BIN1: variants seen among roughly 807,000 people sequenced by gnomAD.
BIN1 encodes myc box-dependent-interacting protein 1.
BIN1 carries 53 observed loss-of-function variants against 82.0 expected under a neutral mutation model. That is an observed-to-expected ratio of 0.65 (90% CI 0.52 to 0.81). The LOEUF (loss-of-function observed/expected upper bound fraction) is 0.81. BIN1 is among the 40% of genes least tolerant of loss of function. The pLI is 0.00. For missense variants in BIN1, 642 were observed against 784.4 expected (o/e 0.82, Z 2.17); for synonymous variants, 302 against 328.0 (o/e 0.92, Z 0.86).
chr2:127,091,452 A>G (rs1558873820), intron 1 of BIN1, among the ~76,000 whole-genome samples: 1 of 152,270 alleles, frequency 6.6e-6, no homozygotes. Context: ...TGAGTCCCAG[A>G]GAAGAGGAGA....
In BIN1 at chr2:127,068,157, T is replaced by C. The variant is rs764804841; in HGVS notation, c.612+6A>G. 2.5e-6 allele frequency: 4 copies of C among 1,612,468 alleles called. No homozygotes were observed. In the South Asian group the frequency reaches 3.3e-5, roughly 13 times the overall value. Reference sequence around the variant, plus strand: ...CAGCACGTGCAAGGTTAGAAGCCAGTGTCACCTGATTTCGGAGCAGGTTAG... The same window carrying C: ...CAGCACGTGCAAGGTTAGAAGCCAGCGTCACCTGATTTCGGAGCAGGTTAG... On this transcript the variant is annotated splice_donor_region_variant and intron_variant, in intron 7 of 18. Coordinates refer to ENST00000316724, the MANE Select transcript of BIN1 (RefSeq NM_139343.3). The surrounding 1 kb of genome is among the most constrained non-coding windows in gnomAD (Gnocchi z 4.9).
At chr2:127,086,434 G>A (rs542277004) in intron 1 of BIN1, among the ~76,000 whole-genome samples, 2 of 152,160 alleles carry the variant, frequency 1.3e-5, no homozygotes, top group East Asian at 1.9e-4. Context: ...AGATTTTCAC[G>A]ATGAAATACA....
intron 14 of BIN1, 83 bp downstream of exon 14, chr2:127,053,339 A>C: frequency 6.4e-7 from 1 of 1,573,670 alleles, no homozygotes; most frequent in South Asian, 1.1e-5. Flanking sequence ...GCACCTGTGA[A>C]CAGGCTAGGA....
intron 1 of BIN1, among the ~76,000 whole-genome samples, chr2:127,081,088 G>A (rs995857190): frequency 6.6e-6 from 1 of 152,276 alleles, no homozygotes; most frequent in East Asian, 1.9e-4. Flanking sequence ...AGGGAGTCCT[G>A]CCACCCTCCA....
intron 1 of BIN1, among the ~76,000 whole-genome samples, chr2:127,102,487 T>G (rs1680478498): frequency 6.6e-6 from 1 of 152,210 alleles, no homozygotes; most frequent in Non-Finnish European, 1.5e-5. Context: ...GCTGGCATCC[T>G]CAATGTCCTC....
intron 1 of BIN1, among the ~76,000 whole-genome samples, chr2:127,100,196 C>T (rs1034955121): frequency 2.0e-5 from 3 of 152,206 alleles, no homozygotes; most frequent in Non-Finnish European, 4.4e-5. Flanking sequence ...TCCTCATTTG[C>T]GTGCATGAAC....
intron 1 of BIN1, among the ~76,000 whole-genome samples, chr2:127,104,281 G>A (rs1393356458): frequency 6.6e-6 from 1 of 152,194 alleles, no homozygotes; most frequent in Admixed American, 6.5e-5. Flanking sequence ...GTGCCCTGCC[G>A]TGCCCTCAGG....
At chr2:127,048,655 C>A in intron 18 of BIN1, 22 bp from the exon 19 acceptor site, 3 of 1,610,110 alleles carry the variant, frequency 1.9e-6, no homozygotes, top group South Asian at 1.1e-5. Context: ...AGCACCAGGT[C>A]GCACAGGGAT....
chr2:127,068,407 G>A lies in BIN1; in HGVS notation c.520-152C>T. ...GGGCCCTTGAGGCCGAGAGAATTAG[G>A]GGGAGCCCGGGGGGTAAGGAAAGGG... On this transcript the variant is annotated intron_variant, in intron 6 of 18. Transcript: ENST00000316724. The surrounding 1 kb of genome is among the most constrained non-coding windows in gnomAD (Gnocchi z 4.9). 1 of 621,114 alleles carries A rather than the reference G, an allele frequency of 1.6e-6. No homozygotes were observed. Among genetic ancestry groups the A allele is most frequent in the Non-Finnish European group, 2.8e-6 (1 of 353,130 alleles). 38.5% of individuals were successfully genotyped at this position (621,114 alleles called of 1,614,324 possible). A position where few individuals can be genotyped will look rare whatever the true frequency, so the allele number is the denominator to read the frequency against.
At chr2:127,084,890 C>G (rs545998749) in intron 1 of BIN1, among the ~76,000 whole-genome samples, 2 of 152,240 alleles carry the variant, frequency 1.3e-5, no homozygotes, top group Non-Finnish European at 2.9e-5. Context: ...GGGCAGCTTC[C>G]TGGTCTCATC....
intron 1 of BIN1, among the ~76,000 whole-genome samples, chr2:127,092,466 A>G (rs1044962324): frequency 1.3e-5 from 2 of 152,194 alleles, no homozygotes; most frequent in African/African-American, 4.8e-5. Flanking sequence ...CAGGGCCCAC[A>G]GAGGCTGACC....
chr2:127,064,235 G>A (rs1030125424), intron 7 of BIN1, among the ~76,000 whole-genome samples: 1 of 152,250 alleles, frequency 6.6e-6, no homozygotes, highest in Non-Finnish European at 1.5e-5. Flanking sequence ...GGAGGGCTGA[G>A]CAGCCGTTGC....
At chr2:127,094,081 C>A (rs567645252) in intron 1 of BIN1, among the ~76,000 whole-genome samples, 1 of 152,314 alleles carries the variant, frequency 6.6e-6, no homozygotes, top group East Asian at 1.9e-4. Context: ...GAAATGGAGA[C>A]ACCTGTTCTC....
intron 1 of BIN1, among the ~76,000 whole-genome samples, chr2:127,096,033 C>T (rs762121796): frequency 6.6e-6 from 1 of 152,174 alleles, no homozygotes; most frequent in African/African-American, 2.4e-5. Flanking sequence ...TGTGGTCTTC[C>T]GCTACATAGC....
chr2:127,065,630 C>T (rs1305057830), intron 7 of BIN1, among the ~76,000 whole-genome samples: 1 of 152,184 alleles, frequency 6.6e-6, no homozygotes, highest in Non-Finnish European at 1.5e-5. Context: ...GGCTCCTGTA[C>T]CCACTAGGAC....
At chr2:127,063,875 C>A in intron 8 of BIN1, 58 bp downstream of exon 8, 1 of 1,602,004 alleles carries the variant, frequency 6.2e-7, no homozygotes, top group Non-Finnish European at 8.5e-7. Flanking sequence ...AGACTGGGCA[C>A]CGCAGCACGC....
At chr2:127,048,759 G>T in intron 18 of BIN1, 126 bp from the exon 19 acceptor site, 1 of 860,222 alleles carries the variant, frequency 1.2e-6, no homozygotes, top group Non-Finnish European at 1.9e-6. Context: ...AGCCTGCCAA[G>T]CCCACCTTGA....
At chr2:127,064,622 C>T (rs1684915504) in intron 7 of BIN1, among the ~76,000 whole-genome samples, 1 of 152,238 alleles carries the variant, frequency 6.6e-6, no homozygotes, top group Admixed American at 6.5e-5. Context: ...CAGAGGCAGC[C>T]ACTCAGGCAC....
In BIN1 at chr2:127,068,222, ACTG is replaced by A; in HGVS notation, c.550_552del (p.Gln184del). Reference sequence around the variant, plus strand: ...TGAGCCTGCAGTTTGCCTTGGCACCACTGGGGGGCGGCTTTCTCAAGCAGCGAG... The same window carrying A: ...TGAGCCTGCAGTTTGCCTTGGCACCAGGGGGCGGCTTTCTCAAGCAGCGAG... On this transcript the variant is annotated inframe_deletion, in exon 7 of 19. Coordinates refer to ENST00000316724, the MANE Select transcript of BIN1 (RefSeq NM_139343.3). The surrounding 1 kb of genome is among the most constrained non-coding windows in gnomAD (Gnocchi z 4.9). 1 of 1,613,658 alleles carries A rather than the reference ACTG, an allele frequency of 6.2e-7. No individual in the cohort carries two copies. Among genetic ancestry groups the A allele is most frequent in the Non-Finnish European group, 8.5e-7 (1 of 1,179,964 alleles).
Sources: gnomAD v4.1 joint callset for allele counts (sites outside exome capture counted in the v4.1 genomes callset) on GRCh38, gnomAD v4.1.1 for gene constraint, Gnocchi (gnomAD v3.1) non-coding constraint, MANE v1.5 for transcripts, NCBI Gene and HGNC (gene_info 2026-07-23, HGNC 2026-07-21) for gene names.